The following DACH1 variants were observed in gnomAD, a reference collection of about 807,000 sequenced individuals.
DACH1 encodes the protein dachshund family transcription factor 1.
DACH1 carries 12 observed loss-of-function variants against 54.2 expected under a neutral mutation model. The ratio of observed to expected loss-of-function variants is 0.22; its 90% CI spans 0.14 to 0.36. The LOEUF (loss-of-function observed/expected upper bound fraction) is 0.36. Ranked by LOEUF, DACH1 falls within the 10% of genes least tolerant of loss-of-function variation. The pLI, the probability that DACH1 is intolerant of heterozygous loss-of-function variation, is 1.00. For synonymous variants in DACH1, 386 were observed against 366.2 expected (o/e 1.05, Z -0.62); for missense variants, 805 against 929.8 (o/e 0.87, Z 1.75).
chr13:71,671,458 T>C (rs1880199950), intron 2 of DACH1, among the ~76,000 whole-genome samples: 1 of 152,004 alleles, frequency 6.6e-6, no homozygotes, highest in Non-Finnish European at 1.5e-5. Flanking sequence ...AATGAATATA[T>C]GAACAGGCAC....
Position 71,441,074 on chromosome 13 carries a change from C to G in DACH1, c.2084-382G>C, listed in dbSNP as rs551092245. 3.9e-5 allele frequency among the ~76,000 whole-genome samples: 6 copies of G among 152,120 alleles called. No homozygotes were observed. The South Asian group carries it at 1.2e-3, about 32-fold the overall frequency. ...TTTCTCTGAATGCACTCAGGTGTAT[C>G]TCCATCAGGAAAGACTGAACTCCCA... On this transcript the variant is annotated intron_variant, in intron 10 of 10. Coordinates refer to ENST00000613252, the MANE Select transcript of DACH1 (RefSeq NM_080759.6).
At chr13:71,541,253 A>G (rs1221881002) in intron 6 of DACH1, among the ~76,000 whole-genome samples, 2 of 152,042 alleles carry the variant, frequency 1.3e-5, no homozygotes, top group Admixed American at 6.6e-5. Context: ...ACTAACCAAC[A>G]CCAAAGAAAT....
At chr13:71,808,495 A>G (rs1190963124) in intron 1 of DACH1, among the ~76,000 whole-genome samples, 1 of 152,228 alleles carries the variant, frequency 6.6e-6, no homozygotes, top group Non-Finnish European at 1.5e-5. Flanking sequence ...ATAACTAATA[A>G]AAAGAGAAAT....
chr13:71,824,222 C>A, intron 1 of DACH1, among the ~76,000 whole-genome samples: 1 of 151,696 alleles, frequency 6.6e-6, no homozygotes, highest in Admixed American at 6.6e-5. Context: ...TAACTATGAA[C>A]ATTTTATATT....
rs543188333 is a variant in DACH1 at position 71,747,623 on chromosome 13, A to G, written c.849-65713T>C. Among the ~76,000 whole-genome samples, 3 of 152,274 alleles carry G rather than the reference A, an allele frequency of 2.0e-5. No homozygotes were observed. In the East Asian group the frequency reaches 5.8e-4, roughly 29 times the overall value. ...AATCAGGCATCCCAGCTAAAAATGC[A>G]TTCATGTCATGCCCAGGCTGGCTTC... is the stretch of plus-strand genomic sequence containing the variant. On this transcript the variant is annotated intron_variant, in intron 1 of 10. Transcript: ENST00000613252.
chr13:71,763,535 AT>A (rs5804583), intron 1 of DACH1, among the ~76,000 whole-genome samples: 16 of 149,240 alleles, frequency 1.1e-4, no homozygotes, highest in Non-Finnish European at 1.6e-4. Context: ...CTCTTCCCTG[AT>A]TTTTTTTTTT....
intron 1 of DACH1, among the ~76,000 whole-genome samples, chr13:71,790,134 T>C (rs1886774140): frequency 6.6e-6 from 1 of 152,188 alleles, no homozygotes; most frequent in Non-Finnish European, 1.5e-5. Flanking sequence ...GAAACTGCTA[T>C]TGAAATTCTT....
chr13:71,608,167 T>C (rs1264009826), intron 3 of DACH1, among the ~76,000 whole-genome samples: 1 of 151,964 alleles, frequency 6.6e-6, no homozygotes, highest in African/African-American at 2.4e-5. Flanking sequence ...CATTTTTATA[T>C]ACACATCAGA....
intron 5 of DACH1, among the ~76,000 whole-genome samples, chr13:71,557,888 G>A (rs1340324371): frequency 4.0e-5 from 6 of 148,528 alleles, no homozygotes; most frequent in East Asian, 2.0e-4. Context: ...ATGGACTAAG[G>A]AACTGTTCCA....
At chr13:71,821,178 T>A (rs965909428) in intron 1 of DACH1, among the ~76,000 whole-genome samples, 4 of 152,228 alleles carry the variant, frequency 2.6e-5, no homozygotes, top group Non-Finnish European at 4.4e-5. Flanking sequence ...ACATTGGTTT[T>A]AGTAGGTGAA....
rs993216743 is a variant in DACH1, at chr13:71,529,250, G to A, written c.1570+27774C>T. ...CACCCAGCCTGGAGTGCAGTGGTGCGATCTCGGCTCACTGCAACCTCCACC... is the reference window on the plus strand; with the variant it reads ...CACCCAGCCTGGAGTGCAGTGGTGCAATCTCGGCTCACTGCAACCTCCACC... On this transcript the variant is annotated intron_variant, in intron 6 of 10. Coordinates refer to ENST00000613252, the MANE Select transcript of DACH1 (RefSeq NM_080759.6). Among the ~76,000 whole-genome samples the A allele has an allele frequency of 8.9e-5, 13 of 145,900 alleles. No homozygotes were observed. The Middle Eastern group carries it at 0.01, about 112-fold the overall frequency.
chr13:71,739,257 CA>C (rs1281639516), intron 1 of DACH1, among the ~76,000 whole-genome samples: 4 of 148,676 alleles, frequency 2.7e-5, no homozygotes, highest in South Asian at 4.2e-4. Context: ...TGTCTCAATT[CA>C]AAAAAAAGAA....
intron 1 of DACH1, among the ~76,000 whole-genome samples, chr13:71,780,586 C>G (rs1886329080): frequency 6.6e-6 from 1 of 150,974 alleles, no homozygotes. Context: ...ACGGAGGTTG[C>G]AGTGAGCCAA....
At position 71,475,791 on chromosome 13, in the gene DACH1, T is replaced by G. The variant is rs748710980; in HGVS notation, c.1929A>C (p.Ala643=). The G allele has an allele frequency of 2.5e-6, 4 of 1,613,780 alleles. No homozygotes were observed. The highest frequency in any genetic ancestry group is 2.2e-5 in the South Asian group (2 of 91,064). ...CACGCCGTTTCGTCTCAAACTCAAG[T>G]GCTTCCTGCAATTTTCTCTTTGCCT... ...EKKAKRKLQE[A]LEFETKRREQ... is the part of the protein sequence containing the mutation. Residue 643 remains alanine (A), a synonymous_variant, in exon 9 of 11, where the codon GCA becomes GCC. Transcript: ENST00000613252.
rs865978160 is a variant in DACH1 at position 71,675,070 on chromosome 13, C to G, written c.964+6725G>C. 144 of 1,485,582 alleles carry G rather than the reference C, an allele frequency of 9.7e-5. No homozygotes were observed. In the Middle Eastern group the frequency reaches 2.8e-3, roughly 29 times the overall value. 92.0% of individuals were successfully genotyped at this position (1,485,582 alleles called of 1,614,324 possible). On this transcript the variant is annotated intron_variant, in intron 2 of 10. Transcript: ENST00000613252. ...GTAAGGAGGTCTCTGTACCACGGCT[C>G]GTACAAAGCAGACTGCCCGCAAATC... is the stretch of plus-strand genomic sequence containing the variant.
chr13:71,455,199 T>G (rs539261310), intron 10 of DACH1, among the ~76,000 whole-genome samples: 7 of 152,284 alleles, frequency 4.6e-5, no homozygotes, highest in African/African-American at 1.7e-4. Context: ...AGATAAATTA[T>G]TCTAAATCAC....
intron 1 of DACH1, among the ~76,000 whole-genome samples, chr13:71,754,199 A>T (rs1387170925): frequency 2.0e-5 from 3 of 152,132 alleles, no homozygotes; most frequent in Non-Finnish European, 4.4e-5. Context: ...GGAGGAATTC[A>T]CAGCTGGCTC....
intron 1 of DACH1, among the ~76,000 whole-genome samples, chr13:71,756,013 C>G (rs1239095363): frequency 2.0e-5 from 3 of 151,676 alleles, no homozygotes; most frequent in African/African-American, 7.3e-5. Context: ...GACTAAAATG[C>G]GTAAACTAAA....
intron 1 of DACH1, among the ~76,000 whole-genome samples, chr13:71,855,616 A>T (rs1873952726): frequency 6.6e-6 from 1 of 152,030 alleles, no homozygotes; most frequent in Non-Finnish European, 1.5e-5. Context: ...ATGTAAGTAA[A>T]GTGAATCCAG....
Sources: gnomAD v4.1 joint callset for allele counts (sites outside exome capture counted in the v4.1 genomes callset) on GRCh38, gnomAD v4.1.1 for gene constraint, MANE v1.5 for transcripts, NCBI Gene and HGNC (gene_info 2026-07-23, HGNC 2026-07-21) for gene names.